Variants in TMEM200A observed in about 807,000 individuals in gnomAD.
TMEM200A encodes transmembrane protein 200A.
TMEM200A carries 12 observed loss-of-function variants against 24.3 expected under a neutral mutation model. That is an observed-to-expected ratio of 0.49 (90% confidence interval 0.32 to 0.80). The LOEUF (loss-of-function observed/expected upper bound fraction) is 0.80. Among genes scored for constraint, TMEM200A ranks in the 30% least tolerant of loss-of-function variants. The probability of loss-of-function intolerance (pLI) is 0.04; values close to 1 mark genes in which losing one functional copy is unlikely to be tolerated. For missense variants in TMEM200A, 545 were observed against 614.4 expected (o/e 0.89, Z 1.19); for synonymous variants, 224 against 224.4 (o/e 1.00, Z 0.02).
rs138934543 is a variant in TMEM200A at position 130,415,295 on chromosome 6, G to A, written c.-16-25112G>A. Among the ~76,000 whole-genome samples the A allele has an allele frequency of 4.4e-3, 676 of 152,248 alleles. 6 individuals carry two copies. The highest frequency in any genetic ancestry group is 4.9e-3 in the Non-Finnish European group (332 of 68,006). On this transcript the variant is annotated intron_variant, in intron 2 of 2. Coordinates refer to ENST00000296978, the MANE Select transcript of TMEM200A (RefSeq NM_001258277.2). Reference sequence around the variant, plus strand: ...CTTTTCCTAGTGAGCACATAATAAGGTACTAAGGACTGGGGGATTTGGGAG... The same window carrying A: ...CTTTTCCTAGTGAGCACATAATAAGATACTAAGGACTGGGGGATTTGGGAG...
At chr6:130,399,253 T>C (rs1185059148) in intron 2 of TMEM200A, among the ~76,000 whole-genome samples, 2 of 152,096 alleles carry the variant, frequency 1.3e-5, no homozygotes, top group Non-Finnish European at 2.9e-5. Context: ...TAAGTAAGTA[T>C]GCATTTAAAA....
chr6:130,431,152 G>T (rs771384113), intron 2 of TMEM200A, among the ~76,000 whole-genome samples: 14 of 152,250 alleles, frequency 9.2e-5, no homozygotes, highest in South Asian at 6.2e-4. Context: ...AATTGCTATT[G>T]TCCTCCAGCT....
chr6:130,416,477 T>TCATC, intron 2 of TMEM200A, among the ~76,000 whole-genome samples: 1 of 152,272 alleles, frequency 6.6e-6, no homozygotes, highest in South Asian at 2.1e-4. Flanking sequence ...AAAGGTGCCA[T>TCATC]CATCCATCCA....
chr6:130,390,333 C>A (rs1778806201), intron 2 of TMEM200A, among the ~76,000 whole-genome samples: 2 of 152,184 alleles, frequency 1.3e-5, no homozygotes. Context: ...AGCTGTAGAG[C>A]AAATTCAAAT....
intron 2 of TMEM200A, among the ~76,000 whole-genome samples, chr6:130,436,942 G>A (rs1167265794): frequency 6.6e-6 from 1 of 152,012 alleles, no homozygotes; most frequent in Non-Finnish European, 1.5e-5. Context: ...GTGAGCCACT[G>A]CACCCAGCCT....
chr6:130,373,799 T>C (rs1778376153), intron 1 of TMEM200A, among the ~76,000 whole-genome samples: 1 of 152,220 alleles, frequency 6.6e-6, no homozygotes, highest in Non-Finnish European at 1.5e-5. Flanking sequence ...TGATACTTAA[T>C]GCCAAACTGA....
intron 2 of TMEM200A, among the ~76,000 whole-genome samples, chr6:130,440,049 A>G (rs1033492172): frequency 6.0e-5 from 9 of 150,998 alleles, no homozygotes; most frequent in Non-Finnish European, 1.3e-4. Flanking sequence ...TGTGAGAGAG[A>G]GAGAGAGAAG....
intron 2 of TMEM200A, among the ~76,000 whole-genome samples, chr6:130,413,600 TCTC>T (rs1779382539): frequency 6.6e-6 from 1 of 152,132 alleles, no homozygotes. Flanking sequence ...CCTTTCAGCA[TCTC>T]CTATCACAAC....
At chr6:130,439,037 A>G (rs953327438) in intron 2 of TMEM200A, 1 of 152,176 alleles carries the variant, frequency 6.6e-6, no homozygotes, top group African/African-American at 2.4e-5. Context: ...GAAATACAGA[A>G]CATTTGTTAG....
chr6:130,366,203 G>A lies in TMEM200A; in HGVS notation c.-402G>A, dbSNP rs1024279993. ...ATGGCGGCGGCCCTCTGTGAGCACC[G>A]GCAGCGGCGCATCCCCTGCCCCGAG... On this transcript the variant is annotated 5_prime_UTR_variant, in exon 1 of 3. Transcript: ENST00000296978. This position sits in a 1 kb window ranked among gnomAD's most constrained non-coding sequence, Gnocchi z 4.4. 7.1e-6 allele frequency: 7 copies of A among 985,032 alleles called. No individual in the cohort carries two copies. In the East Asian group the frequency reaches 6.8e-4, roughly 96 times the overall value. 61.0% of individuals were successfully genotyped at this position (985,032 alleles called of 1,614,324 possible).
At chr6:130,426,901 C>T (rs1204914122) in intron 2 of TMEM200A, among the ~76,000 whole-genome samples, 1 of 152,192 alleles carries the variant, frequency 6.6e-6, no homozygotes, top group Non-Finnish European at 1.5e-5. Context: ...ACTTTACACC[C>T]AGTAGATTCA....
intron 2 of TMEM200A, chr6:130,421,449 A>G (rs1300411178): frequency 6.6e-6 from 1 of 152,102 alleles, no homozygotes; most frequent in Non-Finnish European, 1.5e-5. Flanking sequence ...ATATACATAT[A>G]CACAGTAAAC....
intron 2 of TMEM200A, among the ~76,000 whole-genome samples, chr6:130,427,508 G>C (rs1331551376): frequency 6.7e-6 from 1 of 149,004 alleles, no homozygotes; most frequent in Non-Finnish European, 1.5e-5. Context: ...CTTATACATA[G>C]TTTCATGTAT....
intron 2 of TMEM200A, among the ~76,000 whole-genome samples, chr6:130,402,157 G>A (rs569237696): frequency 6.6e-6 from 1 of 151,588 alleles, no homozygotes; most frequent in South Asian, 2.1e-4. Flanking sequence ...GCTTTTATGG[G>A]AGAAATATCA....
At chr6:130,374,007 C>T (rs563776535) in intron 1 of TMEM200A, among the ~76,000 whole-genome samples, 6 of 146,450 alleles carry the variant, frequency 4.1e-5, no homozygotes, top group African/African-American at 1.6e-4. Flanking sequence ...TATTGTGATT[C>T]ATTTCACTTT....
chr6:130,382,187 C>A (rs956143110), intron 1 of TMEM200A, among the ~76,000 whole-genome samples: 1 of 152,160 alleles, frequency 6.6e-6, no homozygotes, highest in African/African-American at 2.4e-5. Flanking sequence ...TAGTGTAGGG[C>A]AGCATGACCA....
In TMEM200A at chr6:130,366,799, C is replaced by A. The variant is rs1778169697; in HGVS notation, c.-81+275C>A. On this transcript the variant is annotated intron_variant, in intron 1 of 2. Transcript: ENST00000296978. This position sits in a 1 kb window ranked among gnomAD's most constrained non-coding sequence, Gnocchi z 4.4. ...CCTGGCTGGGTTTCTCCAAGCAACA[C>A]CCTCCTTTGTCTCGGTTCCTGAGAG... is the stretch of plus-strand genomic sequence containing the variant. Among the ~76,000 whole-genome samples the A allele has an allele frequency of 6.6e-6, 1 of 152,230 alleles. No individual in the cohort carries two copies. Among genetic ancestry groups the A allele is most frequent in the African/African-American group, 2.4e-5 (1 of 41,462 alleles).
intron 1 of TMEM200A, among the ~76,000 whole-genome samples, chr6:130,367,068 T>C (rs1337661343): frequency 1.3e-5 from 2 of 152,230 alleles, no homozygotes; most frequent in East Asian, 3.8e-4. Flanking sequence ...AGCCAACACT[T>C]CACATTGTGT....
rs562808243 is a variant in TMEM200A, at chr6:130,402,696, C to A, written c.-17+17460C>A. Among the ~76,000 whole-genome samples, 3 of 152,182 alleles carry A rather than the reference C, an allele frequency of 2.0e-5. No individual in the cohort carries two copies. In the South Asian group the frequency reaches 6.2e-4, roughly 32 times the overall value. ...TGTGTGCAGTTTAAACAACTCATAA[C>A]AAACTCAAGGAATTTCTATAAATCC... On this transcript the variant is annotated intron_variant, in intron 2 of 2. Transcript: ENST00000296978.
Sources: gnomAD v4.1 joint callset for allele counts (sites outside exome capture counted in the v4.1 genomes callset) on GRCh38, gnomAD v4.1.1 for gene constraint, Gnocchi (gnomAD v3.1) non-coding constraint, MANE v1.5 for transcripts, NCBI Gene and HGNC (gene_info 2026-07-23, HGNC 2026-07-21) for gene names.